The following RAB8B variants were observed in gnomAD, a reference collection of about 807,000 sequenced individuals.
RAB8B encodes RAB8B, member RAS oncogene family, also known as ras-related protein Rab-8B.
A neutral mutation model predicts 32.0 loss-of-function variants in RAB8B; 11 were observed. That is an observed-to-expected ratio of 0.34 (90% CI 0.22 to 0.57). The LOEUF (loss-of-function observed/expected upper bound fraction) is 0.57. RAB8B is among the 20% of genes least tolerant of loss of function. The probability of loss-of-function intolerance (pLI) is 0.86; values close to 1 mark genes in which losing one functional copy is unlikely to be tolerated. For synonymous variants in RAB8B, 103 were observed against 89.6 expected (o/e 1.15, Z -0.85); for missense variants, 190 against 258.5 (o/e 0.73, Z 1.82).
At chr15:63,242,266 G>A (rs531634180) in intron 1 of RAB8B, among the ~76,000 whole-genome samples, 72 of 152,006 alleles carry the variant, frequency 4.7e-4, no homozygotes, top group African/African-American at 1.7e-3. Context: ...AGGAAATTCG[G>A]TTGGTTTATG....
rs1402373453 is a variant in RAB8B at position 63,263,824 on chromosome 15, A to G, written c.*205A>G. The G allele has an allele frequency of 4.0e-6, 2 of 500,902 alleles. No homozygotes were observed. The highest frequency in any genetic ancestry group is 7.1e-6 in the Non-Finnish European group (2 of 281,222). 31.0% of individuals were successfully genotyped at this position (500,902 alleles called of 1,614,324 possible). The stretch of plus-strand genomic sequence containing the variant: ...ACTCCCTTTTTCAAACATGGAAGCA[A>G]TGAAGTGGAGACACATGCAGGACCT... On this transcript the variant is annotated 3_prime_UTR_variant, in exon 8 of 8. Transcript: ENST00000321437.
At chr15:63,196,811 G>A (rs536267108) in intron 1 of RAB8B, among the ~76,000 whole-genome samples, 1 of 152,310 alleles carries the variant, frequency 6.6e-6, no homozygotes, top group South Asian at 2.1e-4. Context: ...TCTATAATCA[G>A]TTTGAAAGGT....
At chr15:63,238,230 TAA>T (rs917437804) in intron 1 of RAB8B, among the ~76,000 whole-genome samples, 4 of 143,444 alleles carry the variant, frequency 2.8e-5, no homozygotes, top group African/African-American at 2.6e-5. Flanking sequence ...CCTTTTAAAT[TAA>T]AAAAAAAAAA....
At chr15:63,234,668 C>T (rs1252013339) in intron 1 of RAB8B, among the ~76,000 whole-genome samples, 4 of 152,202 alleles carry the variant, frequency 2.6e-5, no homozygotes, top group Non-Finnish European at 4.4e-5. Flanking sequence ...ACTGGTGCCA[C>T]GTGGTGAGGT....
At chr15:63,232,967 C>T (rs1019699760) in intron 1 of RAB8B, among the ~76,000 whole-genome samples, 1 of 151,218 alleles carries the variant, frequency 6.6e-6, no homozygotes, top group Non-Finnish European at 1.5e-5. Context: ...ATAACTTATA[C>T]TTGGTGAAAA....
chr15:63,209,235 T>C (rs2037725861), intron 1 of RAB8B, among the ~76,000 whole-genome samples: 1 of 152,054 alleles, frequency 6.6e-6, no homozygotes, highest in South Asian at 2.1e-4. Context: ...TACCATACTT[T>C]GTACCTATTT....
intron 1 of RAB8B, among the ~76,000 whole-genome samples, chr15:63,235,402 G>T (rs1373053886): frequency 6.6e-6 from 1 of 152,028 alleles, no homozygotes; most frequent in Non-Finnish European, 1.5e-5. Flanking sequence ...ATACCTCCAT[G>T]TATGTTTTCC....
At chr15:63,217,997 T>C (rs1297680033) in intron 1 of RAB8B, among the ~76,000 whole-genome samples, 2 of 152,212 alleles carry the variant, frequency 1.3e-5, no homozygotes, top group African/African-American at 4.8e-5. Flanking sequence ...TTTTCTGAAA[T>C]AATGTCTTTC....
chr15:63,237,468 G>A (rs2037990537), intron 1 of RAB8B, among the ~76,000 whole-genome samples: 1 of 152,096 alleles, frequency 6.6e-6, no homozygotes, highest in South Asian at 2.1e-4. Flanking sequence ...GTTTTCATTT[G>A]CATTTCTCTG....
intron 1 of RAB8B, among the ~76,000 whole-genome samples, chr15:63,238,372 A>T (rs1283123635): frequency 2.0e-5 from 3 of 152,046 alleles, no homozygotes; most frequent in Non-Finnish European, 2.9e-5. Context: ...TGTGGGCTGG[A>T]GGACTCTCCT....
intron 1 of RAB8B, among the ~76,000 whole-genome samples, chr15:63,243,489 T>G (rs115239896): frequency 0.023 from 3,517 of 152,246 alleles, 154 homozygotes; most frequent in African/African-American, 0.081. Context: ...GTCTTTGAAA[T>G]TGATAAATAA....
At chr15:63,219,203 CA>C (rs2037821266) in intron 1 of RAB8B, among the ~76,000 whole-genome samples, 1 of 149,278 alleles carries the variant, frequency 6.7e-6, no homozygotes, top group Non-Finnish European at 1.5e-5. Flanking sequence ...GAGGCTGAGG[CA>C]GGGGAATTGC....
Position 63,263,610 on chromosome 15 carries a change from G to A in RAB8B, c.615G>A (p.Ser205=), listed in dbSNP as rs60879019. ...RSKKTSFFRC[S]LL is the part of the protein sequence containing the mutation. Reference sequence around the variant, plus strand: ...AGAAGACCAGTTTCTTTCGTTGCTCGCTACTTTGATGAACTCTTTCTGAGA... The same window carrying A: ...AGAAGACCAGTTTCTTTCGTTGCTCACTACTTTGATGAACTCTTTCTGAGA... Residue 205 remains serine (S), a synonymous_variant, in exon 8 of 8, where the codon TCG becomes TCA. Coordinates refer to ENST00000321437, the MANE Select transcript of RAB8B (RefSeq NM_016530.3). The A allele has an allele frequency of 3.1e-3, 4,924 of 1,606,816 alleles. 127 individuals carry two copies. The African/African-American group carries it at 0.054, about 18-fold the overall frequency.
chr15:63,254,512 C>T (rs1231294518), intron 3 of RAB8B, among the ~76,000 whole-genome samples: 1 of 151,910 alleles, frequency 6.6e-6, no homozygotes, highest in African/African-American at 2.4e-5. Context: ...AGTAGATGGA[C>T]AGGTGAGTAG....
intron 1 of RAB8B, among the ~76,000 whole-genome samples, chr15:63,229,403 G>C (rs2141126932): frequency 6.6e-6 from 1 of 152,280 alleles, no homozygotes; most frequent in East Asian, 1.9e-4. Flanking sequence ...ATGATGACCT[G>C]TTTAAAAAGC....
At chr15:63,230,953 C>G (rs2037931796) in intron 1 of RAB8B, among the ~76,000 whole-genome samples, 1 of 152,122 alleles carries the variant, frequency 6.6e-6, no homozygotes, top group African/African-American at 2.4e-5. Context: ...TTCTCTACTG[C>G]CTCTAGTAAT....
chr15:63,237,633 A>G (rs996325342), intron 1 of RAB8B, among the ~76,000 whole-genome samples: 1 of 152,166 alleles, frequency 6.6e-6, no homozygotes, highest in Non-Finnish European at 1.5e-5. Flanking sequence ...CTGATTATTA[A>G]TAGCTTGTCA....
intron 1 of RAB8B, among the ~76,000 whole-genome samples, chr15:63,205,753 G>A (rs1234159771): frequency 6.6e-6 from 1 of 152,194 alleles, no homozygotes; most frequent in Non-Finnish European, 1.5e-5. Context: ...AAACCATGCC[G>A]TGAAACTCTC....
chr15:63,225,092 CT>C (rs1277483072), intron 1 of RAB8B, among the ~76,000 whole-genome samples: 1 of 152,182 alleles, frequency 6.6e-6, no homozygotes, highest in Non-Finnish European at 1.5e-5. Flanking sequence ...ATAATATCGT[CT>C]TTAACGTAAT....
Sources: gnomAD v4.1 joint callset for allele counts (sites outside exome capture counted in the v4.1 genomes callset) on GRCh38, gnomAD v4.1.1 for gene constraint, MANE v1.5 for transcripts, NCBI Gene and HGNC (gene_info 2026-07-23, HGNC 2026-07-21) for gene names.